INSR: variants seen among roughly 807,000 people sequenced by gnomAD.
INSR encodes the protein insulin receptor, also known as IR.
Under a neutral mutation model 142.6 loss-of-function variants are expected in INSR, and 67 were observed. The observed-to-expected ratio is 0.47, with a 90% CI of 0.39 to 0.58. The LOEUF is 0.58. Among genes scored for constraint, INSR ranks in the 20% least tolerant of loss-of-function variants. INSR has a pLI of 0.00. For missense variants in INSR, 1,248 were observed against 1,833.2 expected (o/e 0.68, Z 5.83); for synonymous variants, 756 against 743.1 (o/e 1.02, Z -0.28).
At chr19:7,246,422 C>T (rs979118730) in intron 2 of INSR, among the ~76,000 whole-genome samples, 2 of 152,166 alleles carry the variant, frequency 1.3e-5, no homozygotes, top group Non-Finnish European at 2.9e-5. Flanking sequence ...ACAGCCAGCA[C>T]CAACCACCAG....
chr19:7,147,319 C>T (rs372457860), intron 11 of INSR, among the ~76,000 whole-genome samples: 25 of 152,052 alleles, frequency 1.6e-4, no homozygotes, highest in South Asian at 4.2e-4. Flanking sequence ...GGACTACAGG[C>T]GCACGTTACC....
chr19:7,167,883 G>A, intron 7 of INSR, 85 bp downstream of exon 7: 1 of 1,554,710 alleles, frequency 6.4e-7, no homozygotes, highest in Non-Finnish European at 8.9e-7. Flanking sequence ...AGGAACCCAA[G>A]AGGGGCAGAT....
At chr19:7,293,674 ACCGCCCC>A (rs1292826224) in intron 1 of INSR, 111 bp downstream of exon 1, 1 of 867,008 alleles carries the variant, frequency 1.2e-6, no homozygotes, top group Non-Finnish European at 1.5e-6. Context: ...CGTCCTGGCC[ACCGCCCC>A]CCGCCCCTGG....
chr19:7,222,830 C>G (rs1975661288), intron 2 of INSR, among the ~76,000 whole-genome samples: 1 of 152,124 alleles, frequency 6.6e-6, no homozygotes, highest in Admixed American at 6.6e-5. Context: ...TTTGCTTACT[C>G]CAGGGACAGG....
chr19:7,167,930 C>T, intron 7 of INSR, 38 bp downstream of exon 7: 1 of 1,613,052 alleles, frequency 6.2e-7, no homozygotes, highest in Non-Finnish European at 8.5e-7. Context: ...GCCAGCCAGC[C>T]CTCGCCTCCT....
intron 2 of INSR, among the ~76,000 whole-genome samples, chr19:7,255,562 C>T (rs1372379014): frequency 7.7e-6 from 1 of 129,176 alleles, no homozygotes; most frequent in Non-Finnish European, 1.7e-5. Flanking sequence ...TTCTTTCCTT[C>T]CTTCCTTCCT....
Position 7,112,558 on chromosome 19 carries a change from A to G in INSR, c.*4498T>C, listed in dbSNP as rs1972232769. 6.6e-6 allele frequency: 1 copy of G among 152,200 alleles called. No homozygotes were observed. Among genetic ancestry groups the G allele is most frequent in the South Asian group, 2.1e-4 (1 of 4,828 alleles). 9.4% of individuals were successfully genotyped at this position (152,200 alleles called of 1,614,324 possible). On this transcript the variant is annotated 3_prime_UTR_variant, in exon 22 of 22. Transcript: ENST00000302850. ...TCAGGCAAAGTGTAAAGACTAAACA[A>G]GCTGTTCCTGAATATGTGCATGGGT...
chr19:7,218,742 C>T (rs1975512268), intron 2 of INSR, among the ~76,000 whole-genome samples: 1 of 152,146 alleles, frequency 6.6e-6, no homozygotes, highest in South Asian at 2.1e-4. Flanking sequence ...TGGGGTTTCG[C>T]CATGTTGGCC....
rs1296775575 is a variant in INSR at position 7,216,020 on chromosome 19, G to A, written c.653-31383C>T. ...TCTCATGGTCTCACCTGAGGGAAAA[G>A]TGGCTAAGAAGATGGAAGCAGGCTG... On this transcript the variant is annotated intron_variant, in intron 2 of 21. Coordinates refer to ENST00000302850, the MANE Select transcript of INSR (RefSeq NM_000208.4). This position sits in a 1 kb window ranked among gnomAD's most constrained non-coding sequence, Gnocchi z 4.2. 6.6e-6 allele frequency among the ~76,000 whole-genome samples: 1 copy of A among 152,008 alleles called. No homozygotes were observed. The highest frequency in any genetic ancestry group is 1.5e-5 in the Non-Finnish European group (1 of 68,024).
intron 2 of INSR, among the ~76,000 whole-genome samples, chr19:7,227,276 C>CTT (rs67054555): frequency 4.0e-5 from 6 of 148,518 alleles, no homozygotes; most frequent in South Asian, 2.1e-4. Context: ...CATTTGCATT[C>CTT]TTTTTTTTTT....
intron 2 of INSR, among the ~76,000 whole-genome samples, chr19:7,201,717 C>G (rs1974960947): frequency 7.2e-6 from 1 of 138,044 alleles, no homozygotes; most frequent in African/African-American, 2.9e-5. Flanking sequence ...GGCTGGAGTG[C>G]AGTGGCGCGA....
At position 7,150,622 on chromosome 19, in the gene INSR, G is replaced by A; in HGVS notation, c.2232-90C>T. On this transcript the variant is annotated intron_variant, in intron 10 of 21. Transcript: ENST00000302850. This position sits in a 1 kb window ranked among gnomAD's most constrained non-coding sequence, Gnocchi z 4.2. ...TGACACTTGGAGGCCACATGTGTCC[G>A]AGTAAGGGCACCCTGGCTTTGACCC... is the stretch of plus-strand genomic sequence containing the variant. 7 of 1,246,110 alleles carry A rather than the reference G, an allele frequency of 5.6e-6. No homozygotes were observed. The highest frequency in any genetic ancestry group is 1.5e-5 in the African/African-American group (1 of 67,974). The allele number at this position is 1,246,110 out of a possible 1,614,324, so 77.2% of individuals were successfully genotyped here. A position where few individuals can be genotyped will look rare whatever the true frequency, so the allele number is the denominator to read the frequency against.
At chr19:7,153,351 C>CACAACCACACACACCACACATACCACA (rs1568449949) in intron 9 of INSR, among the ~76,000 whole-genome samples, 1 of 13,002 alleles carries the variant, frequency 7.7e-5, no homozygotes, top group African/African-American at 2.2e-4. Flanking sequence ...ACACCACAGA[C>CACAACCACACACACCACACATACCACA]CACACACCAC....
chr19:7,243,473 T>TG (rs1237671625), intron 2 of INSR, among the ~76,000 whole-genome samples: 7 of 152,064 alleles, frequency 4.6e-5, no homozygotes, highest in Admixed American at 4.6e-4. Context: ...CTCGAACCCC[T>TG]GACCTCCAGT....
rs1256010008 is a variant in INSR, at chr19:7,245,096, C to T, written c.652+22249G>A. 5.9e-5 allele frequency among the ~76,000 whole-genome samples: 9 copies of T among 151,624 alleles called. No homozygotes were observed. In the South Asian group the frequency reaches 6.3e-4, roughly 11 times the overall value. ...GACTACAGGTGCCCACCACCATGCC[C>T]GGCTAATTTTTTTGTATTTTTAGTA... On this transcript the variant is annotated intron_variant, in intron 2 of 21. Coordinates refer to ENST00000302850, the MANE Select transcript of INSR (RefSeq NM_000208.4).
rs41362249 is a variant in INSR, at chr19:7,119,577, A to G, written c.3666T>C (p.Phe1222=). Reference sequence around the variant, plus strand: ...TGGTGATTTCCCAAAGGACCACGCCAAAGGACCTGCCGATGACAGTTGATA... The same window carrying G: ...TGGTGATTTCCCAAAGGACCACGCCGAAGGACCTGCCGATGACAGTTGATA... ...VFTTSSDMWS[F]GVVLWEITSL... is the part of the protein sequence containing the mutation. The change falls in exon 21 of 22, where the codon TTT becomes TTC. Residue 1222 remains phenylalanine (F), a synonymous_variant. Coordinates refer to ENST00000302850, the MANE Select transcript of INSR (RefSeq NM_000208.4). The surrounding 1 kb of genome is among the most constrained non-coding windows in gnomAD (Gnocchi z 5.2). 3.1e-6 allele frequency: 5 copies of G among 1,614,126 alleles called. No homozygotes were observed. The highest frequency in any genetic ancestry group is 4.2e-6 in the Non-Finnish European group (5 of 1,180,020).
chr19:7,246,209 A>G (rs1976532401), intron 2 of INSR, among the ~76,000 whole-genome samples: 1 of 152,172 alleles, frequency 6.6e-6, no homozygotes, highest in South Asian at 2.1e-4. Flanking sequence ...GGTAAAGACT[A>G]TATTCTCCCT....
intron 2 of INSR, among the ~76,000 whole-genome samples, chr19:7,254,090 C>T (rs908144626): frequency 2.0e-5 from 3 of 151,518 alleles, no homozygotes; most frequent in Non-Finnish European, 2.9e-5. Context: ...GCAAACAGGT[C>T]GGCCTGGTGG....
intron 2 of INSR, among the ~76,000 whole-genome samples, chr19:7,197,761 GT>G (rs1974810135): frequency 1.7e-5 from 1 of 57,224 alleles, no homozygotes; most frequent in African/African-American, 5.7e-5. Flanking sequence ...GAGTGGGAGT[GT>G]GTGTGTGTGT....
Sources: allele counts gnomAD v4.1 joint callset (sites outside exome capture counted in the v4.1 genomes callset), GRCh38; gene constraint gnomAD v4.1.1; non-coding constraint Gnocchi (gnomAD v3.1); transcripts MANE v1.5; gene names NCBI Gene and HGNC (gene_info 2026-07-23, HGNC 2026-07-21).